FAM131B: variants seen among roughly 807,000 people sequenced by gnomAD.
FAM131B encodes the protein family with sequence similarity 131 member B, also known as protein FAM131B.
Under a neutral mutation model 42.0 loss-of-function variants are expected in FAM131B, and 19 were observed. The ratio of observed to expected loss-of-function variants is 0.45; its 90% CI spans 0.32 to 0.66. The LOEUF is 0.66. FAM131B is among the 30% of genes least tolerant of loss of function. The probability of loss-of-function intolerance (pLI) is 0.05; values close to 1 mark genes in which losing one functional copy is unlikely to be tolerated. For missense variants in FAM131B, 370 were observed against 468.4 expected, an observed-to-expected ratio of 0.79 and a Z score of 1.94; for synonymous variants, 183 against 177.6, an observed-to-expected ratio of 1.03 and a Z score of -0.24.
chr7:143,376,322 C>T, the FAM131B span, among the ~76,000 whole-genome samples: 1 of 152,152 alleles, frequency 6.6e-6, no homozygotes, highest in Non-Finnish European at 1.5e-5. Flanking sequence ...ATTTTCCCCC[C>T]AGATGGAGAG....
At chr7:143,381,303 G>A in the FAM131B span, 2 of 1,103,628 alleles carry the variant, frequency 1.8e-6, no homozygotes, top group Non-Finnish European at 2.2e-6. Context: ...CTCCTTCCGT[G>A]TGTCCCTCCC....
chr7:143,367,477 C>T (rs937352668), upstream of FAM131B, among the ~76,000 whole-genome samples: 13 of 152,120 alleles, frequency 8.5e-5, no homozygotes, highest in African/African-American at 2.4e-4. Context: ...GAGACCAAGG[C>T]GGGCAGATCA....
chr7:143,379,304 T>C, the FAM131B span, among the ~76,000 whole-genome samples: 4 of 152,204 alleles, frequency 2.6e-5, no homozygotes, highest in Admixed American at 1.3e-4. Flanking sequence ...GCACAGGAAA[T>C]CCAGTATCAA....
Position 143,362,566 on chromosome 7 carries a change from C to T in FAM131B, c.28+10G>A, listed in dbSNP as rs1804054086. 8.2e-7 allele frequency: 1 copy of T among 1,218,572 alleles called. No homozygotes were observed. The highest frequency in any genetic ancestry group is 4.3e-5 in the Admixed American group (1 of 23,322). The allele number at this position is 1,218,572 out of a possible 1,614,324, so 75.5% of individuals were successfully genotyped here. A position where few individuals can be genotyped will look rare whatever the true frequency, so the allele number is the denominator to read the frequency against. On this transcript the variant is annotated intron_variant, in intron 1 of 6. Transcript: ENST00000443739. The surrounding 1 kb of genome is among the most constrained non-coding windows in gnomAD (Gnocchi z 7.7). Reference sequence around the variant, plus strand: ...GCCCAGCCCTGCCCCCGCCCGGCCGCGGTACCCACCCACAGTCCGGGAGCC... The same window carrying T: ...GCCCAGCCCTGCCCCCGCCCGGCCGTGGTACCCACCCACAGTCCGGGAGCC...
the FAM131B span, among the ~76,000 whole-genome samples, chr7:143,367,815 G>T: frequency 6.6e-6 from 1 of 152,192 alleles, no homozygotes; most frequent in East Asian, 1.9e-4. Context: ...CTCCTGCATG[G>T]GCAGGTCAAC....
chr7:143,371,847 T>C, the FAM131B span, among the ~76,000 whole-genome samples: 1,250 of 152,232 alleles, frequency 8.2e-3, 6 homozygotes, highest in Admixed American at 0.017. Context: ...GAATGTGCCT[T>C]ACACATTGGA....
chr7:143,362,624 C>G lies in FAM131B; in HGVS notation c.-21G>C. 8.4e-7 allele frequency: 1 copy of G among 1,193,890 alleles called. No individual in the cohort carries two copies. Among genetic ancestry groups the G allele is most frequent in the Non-Finnish European group, 1.0e-6 (1 of 963,894 alleles). The allele number at this position is 1,193,890 out of a possible 1,614,324, so 74.0% of individuals were successfully genotyped here. A position where few individuals can be genotyped will look rare whatever the true frequency, so the allele number is the denominator to read the frequency against. ...CCCATGGCTCCGGGGGCCGCAGAGCCGGGCCCTCACCGACTCGGGGCGCGC... is the reference window on the plus strand; with the variant it reads ...CCCATGGCTCCGGGGGCCGCAGAGCGGGGCCCTCACCGACTCGGGGCGCGC... On this transcript the variant is annotated 5_prime_UTR_variant, in exon 1 of 7. Coordinates refer to ENST00000443739, the MANE Select transcript of FAM131B (RefSeq NM_001031690.3). The surrounding 1 kb of genome is among the most constrained non-coding windows in gnomAD (Gnocchi z 7.7).
At chr7:143,357,506 G>C (rs867081077) in intron 5 of FAM131B, 83 bp from the exon 6 acceptor site, 1 of 1,181,130 alleles carries the variant, frequency 8.5e-7, no homozygotes, top group Non-Finnish European at 1.2e-6. Flanking sequence ...TCTTAGTGCA[G>C]CACTGTTCAG....
chr7:143,356,844 C>T lies in FAM131B; in HGVS notation c.789G>A (p.Met263Ile), dbSNP rs779914255. ...ATCCTGAAGCTGGTTGGGAAGGTCC[C>T]ATTTCATGCAAGCTGGGTTGTGAGT... ...FDDSQPSLHE[M>I]GPSQPASGYS... Residue 263 changes from methionine (M) to isoleucine (I), a missense_variant, in exon 7 of 7, where the codon ATG becomes ATA. By Grantham distance (10) the Met-to-Ile change is conservative. Coordinates refer to ENST00000443739, the MANE Select transcript of FAM131B (RefSeq NM_001031690.3). The surrounding 1 kb of genome is among the most constrained non-coding windows in gnomAD (Gnocchi z 4.4). The T allele has an allele frequency of 6.2e-7, 1 of 1,614,124 alleles. No homozygotes were observed. The highest frequency in any genetic ancestry group is 1.7e-5 in the Admixed American group (1 of 60,022).
chr7:143,365,812 T>C (rs1804166747), upstream of FAM131B, among the ~76,000 whole-genome samples: 1 of 152,206 alleles, frequency 6.6e-6, no homozygotes, highest in Non-Finnish European at 1.5e-5. Context: ...TTTCACCATG[T>C]TGTCCAGGCT....
At chr7:143,360,245 G>A (rs1055863239) in intron 1 of FAM131B, 96 bp from the exon 2 acceptor site, 1 of 1,530,836 alleles carries the variant, frequency 6.5e-7, no homozygotes, top group Non-Finnish European at 8.8e-7. Flanking sequence ...CCTTACCCCA[G>A]CTGCCCATTT....
At position 143,356,443 on chromosome 7, in the gene FAM131B, C is replaced by A; in HGVS notation, c.*107G>T. The A allele has an allele frequency of 1.2e-6, 1 of 810,094 alleles. No individual in the cohort carries two copies. The highest frequency in any genetic ancestry group is 2.0e-6 in the Non-Finnish European group (1 of 499,228). The allele number at this position is 810,094 out of a possible 1,614,324, so 50.2% of individuals were successfully genotyped here. A position where few individuals can be genotyped will look rare whatever the true frequency, so the allele number is the denominator to read the frequency against. On this transcript the variant is annotated 3_prime_UTR_variant, in exon 7 of 7. Coordinates refer to ENST00000443739, the MANE Select transcript of FAM131B (RefSeq NM_001031690.3). This position sits in a 1 kb window ranked among gnomAD's most constrained non-coding sequence, Gnocchi z 4.4. ...AGAGGACTGGAAGCTCCTGGGTTCC[C>A]CAATGTTGTCTGCCCAGTTTCAGCT...
the FAM131B span, among the ~76,000 whole-genome samples, chr7:143,369,057 C>A: frequency 6.6e-6 from 1 of 152,208 alleles, no homozygotes; most frequent in Non-Finnish European, 1.5e-5. Context: ...TTACAGATGA[C>A]TGAGTGTTAA....
the FAM131B span, among the ~76,000 whole-genome samples, chr7:143,378,710 G>C: frequency 6.6e-6 from 1 of 151,948 alleles, no homozygotes; most frequent in Non-Finnish European, 1.5e-5. Context: ...CCCAGTAGCT[G>C]GGACTACACG....
upstream of FAM131B, among the ~76,000 whole-genome samples, chr7:143,363,608 A>C (rs961107410): frequency 6.6e-6 from 1 of 152,180 alleles, no homozygotes; most frequent in South Asian, 2.1e-4. Flanking sequence ...TCTAAGTTGC[A>C]AGGGTTAAAT....
At position 143,358,374 on chromosome 7, in the gene FAM131B, G is replaced by A. The variant is rs541945180; in HGVS notation, c.466+453C>T. On this transcript the variant is annotated intron_variant, in intron 5 of 6. Transcript: ENST00000443739. The surrounding 1 kb of genome is among the most constrained non-coding windows in gnomAD (Gnocchi z 4.7). Reference sequence around the variant, plus strand: ...TCCTGGAACTAAACCTCTTCTGTAGGCCTCCCGTCTCTCACACAGTTCCCT... The same window carrying A: ...TCCTGGAACTAAACCTCTTCTGTAGACCTCCCGTCTCTCACACAGTTCCCT... Among the ~76,000 whole-genome samples the A allele has an allele frequency of 6.6e-6, 1 of 152,268 alleles. No homozygotes were observed. Among genetic ancestry groups the A allele is most frequent in the Admixed American group, 6.5e-5 (1 of 15,292 alleles).
chr7:143,362,006 G>T lies in FAM131B; in HGVS notation c.28+570C>A. 1 of 975,018 alleles carries T rather than the reference G, an allele frequency of 1.0e-6. No individual in the cohort carries two copies. The highest frequency in any genetic ancestry group is 1.2e-6 in the Non-Finnish European group (1 of 820,456). The allele number at this position is 975,018 out of a possible 1,614,324, so 60.4% of individuals were successfully genotyped here. A position where few individuals can be genotyped will look rare whatever the true frequency, so the allele number is the denominator to read the frequency against. On this transcript the variant is annotated intron_variant, in intron 1 of 6. Coordinates refer to ENST00000443739, the MANE Select transcript of FAM131B (RefSeq NM_001031690.3). The surrounding 1 kb of genome is among the most constrained non-coding windows in gnomAD (Gnocchi z 7.7). The stretch of plus-strand genomic sequence containing the variant: ...GCTCATCCCGCCCCCGCCCCAGAGG[G>T]AAAACGCACGTGAACAAAGCGAATC...
At chr7:143,381,903 G>C in the FAM131B span, 2 of 994,930 alleles carry the variant, frequency 2.0e-6, no homozygotes. Context: ...ACCCTGTCCC[G>C]AGCAGATGTT....
chr7:143,376,026 G>C, the FAM131B span, among the ~76,000 whole-genome samples: 2 of 152,184 alleles, frequency 1.3e-5, no homozygotes, highest in African/African-American at 4.8e-5. Flanking sequence ...TGCTTGCAGT[G>C]CCTTTGGGTG....
Sources: gnomAD v4.1 joint callset for allele counts (sites outside exome capture counted in the v4.1 genomes callset) on GRCh38, gnomAD v4.1.1 for gene constraint, Gnocchi (gnomAD v3.1) non-coding constraint, MANE v1.5 for transcripts, NCBI Gene and HGNC (gene_info 2026-07-23, HGNC 2026-07-21) for gene names.